The following DNAH9 variants were observed in gnomAD, a reference collection of about 807,000 sequenced individuals.
The protein encoded by DNAH9 is DNAH9 variant protein.
Under a neutral mutation model 471.6 loss-of-function variants are expected in DNAH9, and 345 were observed. That is an observed-to-expected ratio of 0.73 (90% confidence interval 0.67 to 0.80). The LOEUF is 0.80. Ranked by LOEUF, DNAH9 falls within the 30% of genes least tolerant of loss-of-function variation. The pLI, the probability that DNAH9 is intolerant of heterozygous loss-of-function variation, is 0.00. For missense variants in DNAH9, 5,407 were observed against 5,609.2 expected (o/e 0.96, Z 1.15); for synonymous variants, 2,093 against 2,123.6 (o/e 0.99, Z 0.40).
In DNAH9 at chr17:11,629,421, T is replaced by C. The variant is rs759011256; in HGVS notation, c.1355T>C (p.Leu452Pro). 1 of 1,613,892 alleles carries C rather than the reference T, an allele frequency of 6.2e-7. No individual in the cohort carries two copies. Among genetic ancestry groups the C allele is most frequent in the Non-Finnish European group, 8.5e-7 (1 of 1,179,836 alleles). ...FLGQLHVVEGLLKTALDFHKL... is the reference protein window; with the variant it reads ...FLGQLHVVEGPLKTALDFHKL... Reference sequence around the variant, plus strand: ...TTTTGTGAATTGTCCCCATAGGGTCTTCTGAAGACGGCCCTGGATTTCCAC... The same window carrying C: ...TTTTGTGAATTGTCCCCATAGGGTCCTCTGAAGACGGCCCTGGATTTCCAC... Residue 452 changes from leucine to proline, a missense_variant, in exon 7 of 69, where the codon CTT (leucine) becomes CCT (proline). By Grantham distance (98) the Leu-to-Pro change is moderately conservative. Coordinates refer to ENST00000262442, the MANE Select transcript of DNAH9 (RefSeq NM_001372.4).
intron 13 of DNAH9, among the ~76,000 whole-genome samples, chr17:11,651,717 C>G (rs544280359): frequency 6.6e-6 from 1 of 152,276 alleles, no homozygotes; most frequent in African/African-American, 2.4e-5. Context: ...TCTCTCAATT[C>G]AATACACTTT....
intron 56 of DNAH9, among the ~76,000 whole-genome samples, chr17:11,885,296 T>C (rs1305163689): frequency 2.0e-5 from 3 of 152,226 alleles, no homozygotes; most frequent in Middle Eastern, 3.4e-3. Flanking sequence ...AGGAGGTGCT[T>C]CCCTTGAGTG....
chr17:11,900,587 C>G (rs1477905525), intron 59 of DNAH9, among the ~76,000 whole-genome samples: 3 of 151,912 alleles, frequency 2.0e-5, no homozygotes, highest in Non-Finnish European at 4.4e-5. Context: ...AGGCCTCCCT[C>G]ATCTTCTTTT....
chr17:11,615,819 G>A (rs1217333027), intron 4 of DNAH9, among the ~76,000 whole-genome samples: 1 of 152,194 alleles, frequency 6.6e-6, no homozygotes, highest in Non-Finnish European at 1.5e-5. Flanking sequence ...GATAGTCTCA[G>A]CCTCTTTTCT....
At chr17:11,658,434 G>A (rs2150712003) in intron 14 of DNAH9, among the ~76,000 whole-genome samples, 1 of 152,124 alleles carries the variant, frequency 6.6e-6, no homozygotes, top group South Asian at 2.1e-4. Flanking sequence ...GATGATCTAT[G>A]TAAATAAGTC....
intron 55 of DNAH9, chr17:11,883,136 T>G (rs1407799365): frequency 1.0e-6 from 1 of 991,656 alleles, no homozygotes; most frequent in Non-Finnish European, 1.2e-6. Flanking sequence ...TTACACAGTT[T>G]AAAACTGGAA....
chr17:11,935,580 T>G (rs1344205304), intron 65 of DNAH9, among the ~76,000 whole-genome samples: 2 of 151,710 alleles, frequency 1.3e-5, no homozygotes, highest in African/African-American at 4.8e-5. Context: ...TTCATCATGT[T>G]GGTCAGGCTG....
intron 1 of DNAH9, among the ~76,000 whole-genome samples, chr17:11,605,661 G>A (rs34780087): frequency 0.42 from 62,302 of 148,228 alleles, 13,864 homozygotes; most frequent in Non-Finnish European, 0.5. Flanking sequence ...CACTACAACC[G>A]GGCAATTTTT....
intron 50 of DNAH9, among the ~76,000 whole-genome samples, chr17:11,864,654 T>C (rs1971978298): frequency 6.6e-6 from 1 of 152,148 alleles, no homozygotes; most frequent in South Asian, 2.1e-4. Context: ...TGTGTGGGAG[T>C]CTAAGTCTCT....
At chr17:11,763,784 C>A (rs1347492820) in intron 36 of DNAH9, among the ~76,000 whole-genome samples, 170 bp downstream of exon 36, 2 of 152,178 alleles carry the variant, frequency 1.3e-5, no homozygotes, top group Non-Finnish European at 2.9e-5. Context: ...GTTGTCCTAG[C>A]CAGACCTCAT....
intron 49 of DNAH9, among the ~76,000 whole-genome samples, chr17:11,835,520 CTCTTT>C (rs1053851714): frequency 6.6e-6 from 1 of 152,100 alleles, no homozygotes; most frequent in African/African-American, 2.4e-5. Context: ...GGCTTAGCCA[CTCTTT>C]TCTTTTCTCA....
Position 11,747,681 on chromosome 17 carries a change from C to T in DNAH9, c.6525C>T (p.Pro2175=), listed in dbSNP as rs370820383. The T allele has an allele frequency of 2.8e-4, 452 of 1,614,116 alleles. 1 individual carries two copies. Among genetic ancestry groups the T allele is most frequent in the East Asian group, 1.0e-3 (45 of 44,858 alleles). ...HKTYQIMKRR[P]VWTDLNPKAV... is the part of the protein sequence containing the mutation. ...CCTATCAGATCATGAAACGGCGCCC[C>T]GTCTGGACTGACCTCAATCCCAAAG... Residue 2175 remains proline, a synonymous_variant, in exon 32 of 69, where the codon CCC becomes CCT. Coordinates refer to ENST00000262442, the MANE Select transcript of DNAH9 (RefSeq NM_001372.4).
chr17:11,687,592 G>A (rs1439325716), intron 19 of DNAH9, among the ~76,000 whole-genome samples: 2 of 152,014 alleles, frequency 1.3e-5, no homozygotes, highest in East Asian at 1.9e-4. Context: ...GGGAGGAAAC[G>A]GCCGATTCTC....
At position 11,666,224 on chromosome 17, in the gene DNAH9, G is replaced by A. The variant is rs570953335; in HGVS notation, c.2731+1256G>A. ...GACCAAGCCTCCTCTAATGCTGGAG[G>A]TTCAGGGGGCTTCATCACTAAGCCC... On this transcript the variant is annotated intron_variant, in intron 15 of 68. Coordinates refer to ENST00000262442, the MANE Select transcript of DNAH9 (RefSeq NM_001372.4). Among the ~76,000 whole-genome samples, 5 of 152,292 alleles carry A rather than the reference G, an allele frequency of 3.3e-5. No individual in the cohort carries two copies. The South Asian group carries it at 1.0e-3, about 32-fold the overall frequency.
At position 11,719,315 on chromosome 17, in the gene DNAH9, G is replaced by T; in HGVS notation, c.5553-19G>T. ...TGGGCCCCCAAGAATGATGACCTAT[G>T]CCCTCCCGTGTTTGGCAGGTGCTAC... is the stretch of plus-strand genomic sequence containing the variant. On this transcript the variant is annotated intron_variant, in intron 26 of 68. Transcript: ENST00000262442. The T allele has an allele frequency of 6.2e-7, 1 of 1,612,408 alleles. No individual in the cohort carries two copies. Among genetic ancestry groups the T allele is most frequent in the Non-Finnish European group, 8.5e-7 (1 of 1,179,028 alleles).
At chr17:11,766,545 T>G (rs542407028) in intron 36 of DNAH9, among the ~76,000 whole-genome samples, 1 of 152,156 alleles carries the variant, frequency 6.6e-6, no homozygotes, top group Non-Finnish European at 1.5e-5. Flanking sequence ...TACCACAGTA[T>G]GCCAGTAAAG....
At chr17:11,746,628 G>T (rs1966890598) in intron 31 of DNAH9, among the ~76,000 whole-genome samples, 1 of 152,120 alleles carries the variant, frequency 6.6e-6, no homozygotes, top group Non-Finnish European at 1.5e-5. Context: ...GACACATGGG[G>T]ATTCGAGATG....
At chr17:11,692,968 C>T (rs532306975) in intron 20 of DNAH9, among the ~76,000 whole-genome samples, 3 of 152,084 alleles carry the variant, frequency 2.0e-5, no homozygotes, top group East Asian at 3.9e-4. Flanking sequence ...TGCAGTGGCA[C>T]GGTCTCGGCT....
At chr17:11,881,070 A>T in intron 54 of DNAH9, 139 bp from the exon 55 acceptor site, 1 of 802,416 alleles carries the variant, frequency 1.2e-6, no homozygotes, top group Non-Finnish European at 2.0e-6. Context: ...TAGTGCAAAA[A>T]AGAATCCCAG....
Sources: allele counts gnomAD v4.1 joint callset (sites outside exome capture counted in the v4.1 genomes callset), GRCh38; gene constraint gnomAD v4.1.1; transcripts MANE v1.5; gene names NCBI Gene and HGNC (gene_info 2026-07-23, HGNC 2026-07-21).